Variants in PCDH17 observed in about 807,000 individuals in gnomAD.
The protein encoded by PCDH17 is protocadherin 17.
A neutral mutation model predicts 67.7 loss-of-function variants in PCDH17; 21 were observed. That is an observed-to-expected ratio of 0.31 (90% CI 0.22 to 0.45). The LOEUF (loss-of-function observed/expected upper bound fraction) is 0.45, where lower values mean the gene tolerates loss of function less well. Ranked by LOEUF, PCDH17 falls within the 20% of genes least tolerant of loss-of-function variation. The pLI is 1.00. For synonymous variants in PCDH17, 701 were observed against 656.7 expected (o/e 1.07, Z -1.03); for missense variants, 1,471 against 1,564.8 (o/e 0.94, Z 1.01).
At chr13:57,717,665 C>T (rs1955831744) in intron 3 of PCDH17, among the ~76,000 whole-genome samples, 1 of 151,956 alleles carries the variant, frequency 6.6e-6, no homozygotes, top group Admixed American at 6.6e-5. Flanking sequence ...GATGCAGGTG[C>T]ATGCTAGAGG....
chr13:57,724,833 G>T lies in PCDH17; in HGVS notation c.3019G>T (p.Glu1007Ter), dbSNP rs1955899692. The change falls in exon 4 of 4, where the codon GAG (glutamate) becomes TAG (stop). Residue 1007 changes from glutamate (E) to a stop codon, truncating the protein, a stop_gained. Transcript: ENST00000377918. LOFTEE classifies it high-confidence loss of function. ...TFCTFGKDKR[E>*]HTILIANVKP... ...TTGTACATTTGGAAAAGACAAGCGA[G>T]AGCACACTATTCTCATTGCCAACGT... 1.2e-6 allele frequency: 2 copies of T among 1,614,054 alleles called. No homozygotes were observed. The highest frequency in any genetic ancestry group is 8.5e-7 in the Non-Finnish European group (1 of 1,180,032).
chr13:57,706,015 T>TAA (rs747132510), intron 3 of PCDH17, among the ~76,000 whole-genome samples: 7 of 128,918 alleles, frequency 5.4e-5, no homozygotes, highest in Non-Finnish European at 5.0e-5. Flanking sequence ...AACTCAGTCT[T>TAA]AAAAAAAAAA....
At chr13:57,666,904 G>A (rs1006533431) in intron 3 of PCDH17, 71 bp downstream of exon 3, 3 of 1,233,830 alleles carry the variant, frequency 2.4e-6, no homozygotes, top group East Asian at 4.9e-5. Flanking sequence ...TAGATCTAGA[G>A]TTGCAGTTTA....
rs56840875 is a variant in PCDH17 at position 57,707,334 on chromosome 13, CGTGTGTGTGT to C, written c.2798-17249_2798-17240del. Among the ~76,000 whole-genome samples, 149 of 145,810 alleles carry C rather than the reference CGTGTGTGTGT, an allele frequency of 1.0e-3. 1 individual carries two copies. Among genetic ancestry groups the C allele is most frequent in the African/African-American group, 3.1e-3 (124 of 39,588 alleles). On this transcript the variant is annotated intron_variant, in intron 3 of 3. Coordinates refer to ENST00000377918, the MANE Select transcript of PCDH17 (RefSeq NM_001040429.3). Reference sequence around the variant, plus strand: ...TGTAGCTTTGTTTGTGATATATGACCGTGTGTGTGTGTGTGTGTGTGTGTGTGTGTGTGTG... The same window carrying C: ...TGTAGCTTTGTTTGTGATATATGACCGTGTGTGTGTGTGTGTGTGTGTGTG...
At chr13:57,648,884 A>G (rs779173184) in intron 1 of PCDH17, among the ~76,000 whole-genome samples, 31 of 152,074 alleles carry the variant, frequency 2.0e-4, no homozygotes, top group Non-Finnish European at 1.6e-4. Flanking sequence ...GTGTAAGTAT[A>G]ATACCATATA....
chr13:57,653,861 G>A (rs924610928), intron 1 of PCDH17, among the ~76,000 whole-genome samples: 1 of 152,050 alleles, frequency 6.6e-6, no homozygotes, highest in Non-Finnish European at 1.5e-5. Flanking sequence ...TCCCATGGCG[G>A]TACTGTTTCC....
At chr13:57,641,277 C>T (rs1954889431) in intron 1 of PCDH17, among the ~76,000 whole-genome samples, 1 of 151,472 alleles carries the variant, frequency 6.6e-6, no homozygotes. Flanking sequence ...ATACTGCGAT[C>T]TTTGGTCTTC....
intron 1 of PCDH17, among the ~76,000 whole-genome samples, chr13:57,658,973 C>T (rs1036816887): frequency 6.6e-6 from 1 of 152,136 alleles, no homozygotes; most frequent in African/African-American, 2.4e-5. Flanking sequence ...CCGCACCAAT[C>T]ATTCTGGAAA....
chr13:57,641,168 A>G (rs889773912), intron 1 of PCDH17, among the ~76,000 whole-genome samples: 1 of 151,820 alleles, frequency 6.6e-6, no homozygotes, highest in African/African-American at 2.4e-5. Flanking sequence ...CCTATTGTCA[A>G]CCTACTTTAG....
At chr13:57,710,375 G>A (rs1386553768) in intron 3 of PCDH17, among the ~76,000 whole-genome samples, 1 of 151,772 alleles carries the variant, frequency 6.6e-6, no homozygotes, top group Admixed American at 6.6e-5. Flanking sequence ...TTTCCTAAAG[G>A]CAAGGCAGAA....
At chr13:57,693,748 T>A in intron 3 of PCDH17, among the ~76,000 whole-genome samples, 1 of 151,014 alleles carries the variant, frequency 6.6e-6, no homozygotes, top group East Asian at 1.9e-4. Flanking sequence ...TATAGGTCTT[T>A]TAAAGTTATT....
At chr13:57,719,775 G>C (rs1052235647) in intron 3 of PCDH17, among the ~76,000 whole-genome samples, 8 of 152,020 alleles carry the variant, frequency 5.3e-5, no homozygotes, top group African/African-American at 1.9e-4. Context: ...TATTTCCTGT[G>C]CTTGGACACT....
At chr13:57,662,592 C>G (rs1427022343) in intron 1 of PCDH17, among the ~76,000 whole-genome samples, 1 of 152,128 alleles carries the variant, frequency 6.6e-6, no homozygotes, top group Non-Finnish European at 1.5e-5. Flanking sequence ...GAGAGCTTTC[C>G]TAGTCTCAGC....
At chr13:57,664,623 T>C (rs1593911611) in intron 1 of PCDH17, among the ~76,000 whole-genome samples, 1 of 152,100 alleles carries the variant, frequency 6.6e-6, no homozygotes, top group Non-Finnish European at 1.5e-5. Flanking sequence ...TTAACTAGAG[T>C]TTCTGATTTC....
chr13:57,701,779 T>C (rs1955664972), intron 3 of PCDH17, among the ~76,000 whole-genome samples: 3 of 152,164 alleles, frequency 2.0e-5, no homozygotes, highest in Non-Finnish European at 4.4e-5. Flanking sequence ...ATTTATAACA[T>C]TTTTGCTTCA....
chr13:57,674,520 TC>T, intron 3 of PCDH17, among the ~76,000 whole-genome samples: 1 of 151,866 alleles, frequency 6.6e-6, no homozygotes, highest in East Asian at 2.0e-4. Flanking sequence ...AGGTATGGGG[TC>T]TTGTTTCATT....
upstream of PCDH17, among the ~76,000 whole-genome samples, chr13:57,630,252 G>A (rs1417756089): frequency 6.6e-6 from 1 of 152,028 alleles, no homozygotes; most frequent in Non-Finnish European, 1.5e-5. Context: ...TTGCGGAGAT[G>A]GATTTATTTG....
intron 1 of PCDH17, among the ~76,000 whole-genome samples, chr13:57,664,545 T>A (rs1955226264): frequency 6.6e-6 from 1 of 152,170 alleles, no homozygotes; most frequent in African/African-American, 2.4e-5. Context: ...GGGATCCACA[T>A]CCTATGAGGC....
At chr13:57,714,590 CA>C (rs1462901431) in intron 3 of PCDH17, among the ~76,000 whole-genome samples, 1 of 151,700 alleles carries the variant, frequency 6.6e-6, no homozygotes, top group Non-Finnish European at 1.5e-5. Flanking sequence ...CTGAAATTCA[CA>C]GTATTATTTA....
Sources: gnomAD v4.1 joint callset for allele counts (sites outside exome capture counted in the v4.1 genomes callset) on GRCh38, gnomAD v4.1.1 for gene constraint, MANE v1.5 for transcripts, NCBI Gene and HGNC (gene_info 2026-07-23, HGNC 2026-07-21) for gene names.